CCNJL: variants seen among roughly 807,000 people sequenced by gnomAD.
The protein encoded by CCNJL is cyclin-J-like protein.
A neutral mutation model predicts 33.4 loss-of-function variants in CCNJL; 33 were observed. The observed-to-expected ratio is 0.99, with a 90% confidence interval of 0.75 to 1.32. The LOEUF is 1.32. Ranked by LOEUF, CCNJL falls within the 40% of genes most tolerant of loss-of-function variation. CCNJL has a pLI of 0.00. For synonymous variants in CCNJL, 227 were observed against 220.9 expected, an observed-to-expected ratio of 1.03 and a Z score of -0.24; for missense variants, 512 against 499.7, an observed-to-expected ratio of 1.02 and a Z score of -0.23.
At chr5:160,293,949 C>T (rs1342696623) in intron 2 of CCNJL, among the ~76,000 whole-genome samples, 4 of 152,126 alleles carry the variant, frequency 2.6e-5, no homozygotes, top group African/African-American at 9.7e-5. Flanking sequence ...CTCCAATCTC[C>T]CTACCATGCC....
In CCNJL at chr5:160,282,972, T is replaced by TAC. The variant is rs1432569190; in HGVS notation, c.67-2235_67-2234insGT. On this transcript the variant is annotated intron_variant, in intron 2 of 5. Transcript: ENST00000257536. ...CAGCCATTCCAGTCCTTGGAATATA[T>TAC]ATATATATATATATATATATATATA... 1.5e-3 allele frequency among the ~76,000 whole-genome samples: 68 copies of TAC among 44,208 alleles called. 2 individuals are homozygous for TAC. The highest frequency in any genetic ancestry group is 0.011 in the African/African-American group (64 of 5,712). 29.0% of individuals were successfully genotyped at this position (44,208 alleles called of 152,430 possible).
At chr5:160,335,168 CAGG>C (rs1763667440) in intron 1 of CCNJL, among the ~76,000 whole-genome samples, 2 of 152,194 alleles carry the variant, frequency 1.3e-5, no homozygotes, top group Admixed American at 6.5e-5. Flanking sequence ...GAGGCTGAGG[CAGG>C]AGAATCACTT....
intron 1 of CCNJL, among the ~76,000 whole-genome samples, chr5:160,318,099 C>G (rs1763399853): frequency 6.6e-6 from 1 of 152,064 alleles, no homozygotes; most frequent in Non-Finnish European, 1.5e-5. Context: ...TCACTGCAAC[C>G]ACTGCCTCCA....
upstream of CCNJL, among the ~76,000 whole-genome samples, chr5:160,315,699 A>G (rs1486130173): frequency 1.3e-5 from 2 of 152,130 alleles, no homozygotes; most frequent in Admixed American, 6.5e-5. Flanking sequence ...ATATTTCTGT[A>G]TTTTCTAAAT....
intron 1 of CCNJL, among the ~76,000 whole-genome samples, chr5:160,332,870 G>A (rs993303412): frequency 2.0e-5 from 3 of 151,960 alleles, no homozygotes; most frequent in African/African-American, 7.3e-5. Flanking sequence ...CTGTCTCCTG[G>A]GTGGAGCATA....
At chr5:160,288,489 C>A (rs759929647) in intron 2 of CCNJL, among the ~76,000 whole-genome samples, 1 of 152,150 alleles carries the variant, frequency 6.6e-6, no homozygotes, top group South Asian at 2.1e-4. Context: ...CAATGCAAAG[C>A]CCCTTCCAGA....
chr5:160,266,088 G>A (rs969499767), intron 3 of CCNJL, among the ~76,000 whole-genome samples: 28 of 152,212 alleles, frequency 1.8e-4, no homozygotes, highest in African/African-American at 5.8e-4. Flanking sequence ...TGGTGCTGGC[G>A]GGTCAGAGGG....
rs546803103 is a variant in CCNJL at position 160,297,392 on chromosome 5, T to A, written c.66+14466A>T. Among the ~76,000 whole-genome samples, 3 of 44,892 alleles carry A rather than the reference T, an allele frequency of 6.7e-5. No homozygotes were observed. In the South Asian group the frequency reaches 1.6e-3, roughly 23 times the overall value. 29.5% of individuals were successfully genotyped at this position (44,892 alleles called of 152,430 possible). A position where few individuals can be genotyped will look rare whatever the true frequency, so the allele number is the denominator to read the frequency against. ...GCCAGCAAAGCCCACCAGTGACTGC[T>A]TGGCTTCTTCCTAACTAGAATGCTG... On this transcript the variant is annotated intron_variant, in intron 2 of 5. Transcript: ENST00000257536.
chr5:160,302,823 A>T (rs1013675724), intron 2 of CCNJL, among the ~76,000 whole-genome samples: 9 of 151,798 alleles, frequency 5.9e-5, no homozygotes, highest in African/African-American at 2.2e-4. Context: ...ATAAAAAAAA[A>T]AAAATAATAA....
chr5:160,329,203 A>T (rs773459986), intron 1 of CCNJL, among the ~76,000 whole-genome samples: 11 of 152,220 alleles, frequency 7.2e-5, no homozygotes, highest in Non-Finnish European at 1.5e-4. Flanking sequence ...CCAGCAGACC[A>T]GATCAAACCA....
At chr5:160,308,269 A>G (rs1478355226) in intron 2 of CCNJL, among the ~76,000 whole-genome samples, 1 of 152,196 alleles carries the variant, frequency 6.6e-6, no homozygotes, top group African/African-American at 2.4e-5. Context: ...CTTAATCTTA[A>G]CATTGCTGTA....
At chr5:160,272,136 T>C (rs1318280182) in intron 3 of CCNJL, among the ~76,000 whole-genome samples, 3 of 152,220 alleles carry the variant, frequency 2.0e-5, no homozygotes, top group Non-Finnish European at 4.4e-5. Context: ...AAGCAGCATA[T>C]TCATTCATCC....
At chr5:160,258,099 G>A (rs1373304093) in intron 4 of CCNJL, among the ~76,000 whole-genome samples, 1 of 152,068 alleles carries the variant, frequency 6.6e-6, no homozygotes, top group Non-Finnish European at 1.5e-5. Context: ...GCCCACCTCA[G>A]CCTCCCAAAG....
intron 2 of CCNJL, among the ~76,000 whole-genome samples, chr5:160,297,308 CCAAGCCAAGAAG>C (rs1762775499): frequency 6.6e-6 from 1 of 152,162 alleles, no homozygotes; most frequent in Admixed American, 6.5e-5. Flanking sequence ...TGTGTGACAA[CCAAGCCAAGAAG>C]ATGGCCCCAG....
intron 2 of CCNJL, among the ~76,000 whole-genome samples, chr5:160,284,867 T>C (rs1394938387): frequency 1.3e-5 from 2 of 152,250 alleles, no homozygotes; most frequent in Non-Finnish European, 2.9e-5. Flanking sequence ...GTATCCCTTT[T>C]TTCAACTTTT....
intron 1 of CCNJL, among the ~76,000 whole-genome samples, chr5:160,327,584 C>T (rs1763552979): frequency 6.6e-6 from 1 of 152,206 alleles, no homozygotes; most frequent in Admixed American, 6.5e-5. Context: ...GGAATTAATG[C>T]CCAGAGGCAG....
chr5:160,309,153 G>A (rs1763187520), intron 2 of CCNJL, among the ~76,000 whole-genome samples: 1 of 152,238 alleles, frequency 6.6e-6, no homozygotes, highest in Non-Finnish European at 1.5e-5. Context: ...AGCAGAGAAT[G>A]ACACAATCTA....
At chr5:160,274,388 G>C (rs935203213) in intron 3 of CCNJL, among the ~76,000 whole-genome samples, 4 of 152,136 alleles carry the variant, frequency 2.6e-5, no homozygotes, top group Non-Finnish European at 1.5e-5. Context: ...GAACCCAGGA[G>C]GCAGAGGTTG....
Position 160,253,839 on chromosome 5 carries a change from C to T in CCNJL, c.744-41G>A, listed in dbSNP as rs753462505. 7 of 1,431,480 alleles carry T rather than the reference C, an allele frequency of 4.9e-6. No homozygotes were observed. In the Admixed American group the frequency reaches 1.1e-4, roughly 23 times the overall value. 88.7% of individuals were successfully genotyped at this position (1,431,480 alleles called of 1,614,324 possible). A position where few individuals can be genotyped will look rare whatever the true frequency, so the allele number is the denominator to read the frequency against. On this transcript the variant is annotated intron_variant, in intron 5 of 5. Coordinates refer to ENST00000257536, the MANE Select transcript of CCNJL (RefSeq NM_001308173.3). ...CTGGGTGAGAACTGGAGGCCAAAAGCCACCAGATGCCTGTGTGTGTCTCTA... is the reference window on the plus strand; with the variant it reads ...CTGGGTGAGAACTGGAGGCCAAAAGTCACCAGATGCCTGTGTGTGTCTCTA...
Sources: gnomAD v4.1 joint callset for allele counts (sites outside exome capture counted in the v4.1 genomes callset) on GRCh38, gnomAD v4.1.1 for gene constraint, MANE v1.5 for transcripts, NCBI Gene and HGNC (gene_info 2026-07-23, HGNC 2026-07-21) for gene names.